The following LMO7 variants were observed in gnomAD, a reference collection of about 807,000 sequenced individuals.
The protein encoded by LMO7 is LIM domain only protein 7.
Under a neutral mutation model 206.5 loss-of-function variants are expected in LMO7, and 120 were observed. The observed-to-expected ratio is 0.58, with a 90% confidence interval of 0.50 to 0.68. The LOEUF (loss-of-function observed/expected upper bound fraction) is 0.68, where lower values mean the gene tolerates loss of function less well. Ranked by LOEUF, LMO7 falls within the 30% of genes least tolerant of loss-of-function variation. LMO7 has a pLI of 0.00. For missense variants in LMO7, 1,959 were observed against 1,957.9 expected (o/e 1.00, Z -0.01); for synonymous variants, 706 against 681.5 (o/e 1.04, Z -0.56).
At chr13:75,691,941 C>A (rs2041517381) in intron 1 of LMO7, among the ~76,000 whole-genome samples, 1 of 152,150 alleles carries the variant, frequency 6.6e-6, no homozygotes, top group African/African-American at 2.4e-5. Context: ...ATTCCATGAC[C>A]TCCATTTCTA....
intron 1 of LMO7, among the ~76,000 whole-genome samples, chr13:75,663,433 T>TTTCTTTCTTTCTTTCTTTCTTTCTTTC (rs1491411815): frequency 8.5e-5 from 4 of 47,296 alleles, no homozygotes; most frequent in African/African-American, 2.8e-4. Context: ...TCTTTCTTTC[T>TTTCTTTCTTTCTTTCTTTCTTTCTTTC]TTTTTTTTTT....
intron 3 of LMO7, among the ~76,000 whole-genome samples, chr13:75,739,083 C>A (rs2046207021): frequency 6.6e-6 from 1 of 152,232 alleles, no homozygotes; most frequent in African/African-American, 2.4e-5. Flanking sequence ...TTGCCAGTGA[C>A]TCCCATGGGA....
At position 75,821,593 on chromosome 13, in the gene LMO7, T is replaced by C; in HGVS notation, c.2624T>C (p.Leu875Pro). The C allele has an allele frequency of 6.2e-7, 1 of 1,611,934 alleles. No individual in the cohort carries two copies. ...FGSQTRGISSLPRSYTMDDAW... is the reference protein window; with the variant it reads ...FGSQTRGISSPPRSYTMDDAW... ...TCTCAGACAAGGGGAATCTCATCAC[T>C]CCCCAGATCTTACACGGTAAAAAAT... Residue 875 changes from leucine (L) to proline (P), a missense_variant, in exon 14 of 31, where the codon CTC becomes CCC. Coordinates refer to ENST00000377534, the MANE Select transcript of LMO7 (RefSeq NM_001306080.2).
intron 3 of LMO7, among the ~76,000 whole-genome samples, chr13:75,738,387 CAGAG>C (rs1312761933): frequency 6.6e-6 from 1 of 152,162 alleles, no homozygotes; most frequent in African/African-American, 2.4e-5. Context: ...AATGGCAATA[CAGAG>C]AGAGATGTTA....
At chr13:75,837,064 A>G (rs1398929650) in intron 19 of LMO7, among the ~76,000 whole-genome samples, 1 of 152,198 alleles carries the variant, frequency 6.6e-6, no homozygotes, top group Non-Finnish European at 1.5e-5. Context: ...CAGGGGAAGA[A>G]ACCCAAAGAA....
chr13:75,662,463 C>T lies in LMO7; in HGVS notation c.69+25737C>T, dbSNP rs185347746. Among the ~76,000 whole-genome samples, 389 of 152,246 alleles carry T rather than the reference C, an allele frequency of 2.6e-3. 2 individuals carry two copies. The highest frequency in any genetic ancestry group is 3.3e-3 in the Non-Finnish European group (223 of 68,004). Reference sequence around the variant, plus strand: ...CCTCCAGAGTAGCTGTGGCTACAGGCGTGTGCCCCCACACCTGGCTAATTT... The same window carrying T: ...CCTCCAGAGTAGCTGTGGCTACAGGTGTGTGCCCCCACACCTGGCTAATTT... On this transcript the variant is annotated intron_variant, in intron 1 of 30. Transcript: ENST00000377534.
At chr13:75,844,928 A>T (rs2139365412) in intron 25 of LMO7, among the ~76,000 whole-genome samples, 1 of 152,324 alleles carries the variant, frequency 6.6e-6, no homozygotes, top group Admixed American at 6.5e-5. Context: ...AGTTGACATG[A>T]TAACCCTGGG....
chr13:75,677,003 ACTTTT>A (rs2040068992), intron 1 of LMO7, among the ~76,000 whole-genome samples: 1 of 152,226 alleles, frequency 6.6e-6, no homozygotes, highest in African/African-American at 2.4e-5. Context: ...ATTTTGAACA[ACTTTT>A]CTTTTTTAAA....
At chr13:75,787,985 C>A (rs1041172851) in intron 4 of LMO7, among the ~76,000 whole-genome samples, 2 of 152,088 alleles carry the variant, frequency 1.3e-5, no homozygotes, top group South Asian at 2.1e-4. Flanking sequence ...TTAAATAGTG[C>A]GATGGATGAG....
chr13:75,692,341 A>AT (rs1364689599), intron 1 of LMO7, among the ~76,000 whole-genome samples: 2 of 151,586 alleles, frequency 1.3e-5, no homozygotes, highest in African/African-American at 4.8e-5. Context: ...TATTTAAGAG[A>AT]TTTTTACACA....
At chr13:75,759,909 A>C (rs2048010654) in intron 3 of LMO7, among the ~76,000 whole-genome samples, 1 of 152,144 alleles carries the variant, frequency 6.6e-6, no homozygotes, top group South Asian at 2.1e-4. Flanking sequence ...CTCACGCCAT[A>C]GAGGCAGCAT....
intron 1 of LMO7, among the ~76,000 whole-genome samples, chr13:75,710,596 G>C (rs1249615493): frequency 6.6e-6 from 1 of 151,778 alleles, no homozygotes; most frequent in Non-Finnish European, 1.5e-5. Flanking sequence ...TTGGCTCTCT[G>C]TTTGTCTGTT....
In LMO7 at chr13:75,853,200, T is replaced by C. The variant is rs1566624259; in HGVS notation, c.4473T>C (p.Phe1491=). 2 of 1,614,170 alleles carry C rather than the reference T, an allele frequency of 1.2e-6. No homozygotes were observed. The highest frequency in any genetic ancestry group is 1.7e-5 in the Admixed American group (1 of 60,036). The change falls in exon 28 of 31, where the codon TTT becomes TTC. Residue 1491 remains phenylalanine, a synonymous_variant. Coordinates refer to ENST00000377534, the MANE Select transcript of LMO7 (RefSeq NM_001306080.2). ...GFYASSSVQD[F]SRPPPQLVST... ...ATGCTTCTTCCTCTGTGCAAGACTT[T>C]AGTCGCCCACCACCTCAGCTGGTGT...
rs776525790 is a variant in LMO7, at chr13:75,623,269, A to G, written c.176-2A>G. 5.0e-6 allele frequency: 7 copies of G among 1,386,192 alleles called. No homozygotes were observed. The South Asian group carries it at 8.3e-5, about 16-fold the overall frequency. The allele number at this position is 1,386,192 out of a possible 1,614,324, so 85.9% of individuals were successfully genotyped here. ...CTTTCCTAATCATGACTTTTTACAC[A>G]GATATAATTTTGAGGACTGAACAAA... On this transcript the variant is annotated splice_acceptor_variant, in intron 1 of 29. Transcript: ENST00000341547. LOFTEE classifies it high-confidence loss of function.
At chr13:75,754,095 G>A (rs1426432564) in intron 3 of LMO7, among the ~76,000 whole-genome samples, 1 of 152,148 alleles carries the variant, frequency 6.6e-6, no homozygotes, top group Non-Finnish European at 1.5e-5. Flanking sequence ...CAATTTAGTA[G>A]CATCTATTAC....
At chr13:75,643,385 C>T (rs1407638558) in intron 1 of LMO7, among the ~76,000 whole-genome samples, 16 of 152,202 alleles carry the variant, frequency 1.1e-4, no homozygotes. Flanking sequence ...TGCAGGTGAA[C>T]TCGTTCTTCT....
chr13:75,779,549 G>T (rs1457118908), intron 4 of LMO7, among the ~76,000 whole-genome samples: 3 of 152,118 alleles, frequency 2.0e-5, no homozygotes, highest in Non-Finnish European at 4.4e-5. Flanking sequence ...TTTGAAGCCT[G>T]TCACTTCTTT....
chr13:75,693,199 A>C (rs920965320), intron 1 of LMO7, among the ~76,000 whole-genome samples: 31 of 152,246 alleles, frequency 2.0e-4, no homozygotes, highest in African/African-American at 6.3e-4. Context: ...CAAAGAAGCA[A>C]GACTAGTATG....
intron 2 of LMO7, among the ~76,000 whole-genome samples, chr13:75,721,004 A>T (rs2043976483): frequency 6.6e-6 from 1 of 152,214 alleles, no homozygotes; most frequent in African/African-American, 2.4e-5. Flanking sequence ...GCAGCTTATG[A>T]ATTTAAATAA....
Sources: allele counts gnomAD v4.1 joint callset (sites outside exome capture counted in the v4.1 genomes callset), GRCh38; gene constraint gnomAD v4.1.1; transcripts MANE v1.5; gene names NCBI Gene and HGNC (gene_info 2026-07-23, HGNC 2026-07-21).